Variants in TTC29 observed in about 807,000 individuals in gnomAD.
TTC29 encodes tetratricopeptide repeat domain 29, also known as tetratricopeptide repeat protein 29.
A neutral mutation model predicts 58.1 loss-of-function variants in TTC29; 49 were observed. The observed-to-expected ratio is 0.84, with a 90% CI of 0.67 to 1.07. The LOEUF (loss-of-function observed/expected upper bound fraction) is 1.07, where lower values mean the gene tolerates loss of function less well. TTC29 is among the 50% of genes least tolerant of loss of function. TTC29 has a pLI of 0.00. For synonymous variants in TTC29, 209 were observed against 196.8 expected (o/e 1.06, Z -0.52); for missense variants, 582 against 555.6 (o/e 1.05, Z -0.48).
rs890533686 is a variant in TTC29 at position 146,855,460 on chromosome 4, T to C, written c.885+12038A>G. Among the ~76,000 whole-genome samples, 20 of 152,088 alleles carry C rather than the reference T, an allele frequency of 1.3e-4. 1 individual carries two copies. The highest frequency in any genetic ancestry group is 1.1e-3 in the Admixed American group (17 of 15,250). Reference sequence around the variant, plus strand: ...AAACAAACAAATAAATAAGGGTCAATAGAGGACAGTCGTGGGAAAAAATGG... The same window carrying C: ...AAACAAACAAATAAATAAGGGTCAACAGAGGACAGTCGTGGGAAAAAATGG... On this transcript the variant is annotated intron_variant, in intron 8 of 12. Coordinates refer to ENST00000325106, the MANE Select transcript of TTC29 (RefSeq NM_031956.4).
chr4:146,723,514 T>C lies in TTC29; in HGVS notation c.1331-15963A>G, dbSNP rs79383172. On this transcript the variant is annotated intron_variant, in intron 11 of 12. Transcript: ENST00000325106. ...ACAAATATTTAATACCCAGAATCTA[T>C]AAGGAACTTAATTAAATGAGCAAAA... 3.5e-3 allele frequency among the ~76,000 whole-genome samples: 534 copies of C among 152,182 alleles called. 2 individuals are homozygous for C. Among genetic ancestry groups the C allele is most frequent in the Non-Finnish European group, 6.3e-3 (427 of 68,006 alleles).
chr4:146,822,053 G>C (rs1229080235), intron 9 of TTC29, among the ~76,000 whole-genome samples: 2 of 125,738 alleles, frequency 1.6e-5, no homozygotes, highest in East Asian at 4.8e-4. Flanking sequence ...TATTTCTAAA[G>C]ACCGAACCCA....
chr4:146,817,050 C>T (rs995861258), intron 10 of TTC29, among the ~76,000 whole-genome samples: 8 of 152,156 alleles, frequency 5.3e-5, no homozygotes, highest in Non-Finnish European at 1.0e-4. Flanking sequence ...CTCACCACTC[C>T]TATTCAACAT....
At chr4:146,867,069 A>G (rs914892820) in intron 8 of TTC29, among the ~76,000 whole-genome samples, 2 of 152,212 alleles carry the variant, frequency 1.3e-5, no homozygotes, top group African/African-American at 2.4e-5. Context: ...CACTGAAGAT[A>G]TACATCAATG....
chr4:146,820,893 A>T (rs965250166), intron 9 of TTC29, among the ~76,000 whole-genome samples: 25 of 152,058 alleles, frequency 1.6e-4, no homozygotes, highest in African/African-American at 6.0e-4. Flanking sequence ...TTAGCCAGGC[A>T]TGGTGGTGGG....
chr4:146,869,242 G>A (rs1001121653), intron 7 of TTC29, among the ~76,000 whole-genome samples: 2 of 152,094 alleles, frequency 1.3e-5, no homozygotes, highest in African/African-American at 4.8e-5. Flanking sequence ...ATGTCAGCAG[G>A]AACAATATTT....
chr4:146,937,515 G>C, intron 4 of TTC29, 79 bp downstream of exon 4: 1 of 957,012 alleles, frequency 1.0e-6, no homozygotes, highest in Non-Finnish European at 1.6e-6. Context: ...ATATTACACA[G>C]GAAAATTGAA....
intron 5 of TTC29, among the ~76,000 whole-genome samples, chr4:146,906,161 T>C (rs1304596929): frequency 6.7e-6 from 1 of 149,774 alleles, no homozygotes; most frequent in African/African-American, 2.4e-5. Flanking sequence ...ATGGATAATA[T>C]TTAAAAAAAA....
At chr4:146,846,376 C>G (rs1445372911) in intron 8 of TTC29, among the ~76,000 whole-genome samples, 1 of 152,162 alleles carries the variant, frequency 6.6e-6, no homozygotes, top group Non-Finnish European at 1.5e-5. Flanking sequence ...GGGTCAGAGA[C>G]TGAACCACGT....
At chr4:146,854,234 T>C (rs1363970617) in intron 8 of TTC29, among the ~76,000 whole-genome samples, 1 of 152,156 alleles carries the variant, frequency 6.6e-6, no homozygotes, top group Non-Finnish European at 1.5e-5. Flanking sequence ...AGTCAGCTTC[T>C]GGGAAAACCC....
At chr4:146,881,109 T>C (rs990667867) in intron 6 of TTC29, among the ~76,000 whole-genome samples, 1 of 152,138 alleles carries the variant, frequency 6.6e-6, no homozygotes, top group Non-Finnish European at 1.5e-5. Context: ...TTAGACAAGG[T>C]GTTAATTATG....
At chr4:146,805,043 G>A (rs1447497139) in intron 10 of TTC29, among the ~76,000 whole-genome samples, 1 of 151,940 alleles carries the variant, frequency 6.6e-6, no homozygotes, top group African/African-American at 2.4e-5. Context: ...GAAGGAACAG[G>A]CAGCAATCTT....
intron 8 of TTC29, among the ~76,000 whole-genome samples, chr4:146,859,776 T>A (rs1730109604): frequency 6.6e-6 from 1 of 152,130 alleles, no homozygotes; most frequent in Non-Finnish European, 1.5e-5. Context: ...CTGAATATCC[T>A]GTGATAGACA....
intron 9 of TTC29, among the ~76,000 whole-genome samples, chr4:146,821,731 A>G (rs1025840201): frequency 6.6e-6 from 1 of 152,200 alleles, no homozygotes; most frequent in African/African-American, 2.4e-5. Flanking sequence ...AGATGTTTGG[A>G]GTCTATGATT....
At chr4:146,941,114 A>G (rs748338925) in intron 2 of TTC29, among the ~76,000 whole-genome samples, 1 of 152,226 alleles carries the variant, frequency 6.6e-6, no homozygotes, top group Non-Finnish European at 1.5e-5. Flanking sequence ...AACTTAGAAT[A>G]GAAAAATTGT....
At chr4:146,803,728 T>C (rs1374718996) in intron 10 of TTC29, 43 bp from the exon 11 acceptor site, 2 of 1,437,236 alleles carry the variant, frequency 1.4e-6, no homozygotes, top group Admixed American at 2.2e-5. Flanking sequence ...ACTTTTAATG[T>C]CACCATTTCA....
chr4:146,903,808 C>T, intron 5 of TTC29, 79 bp from the exon 6 acceptor site: 1 of 1,049,020 alleles, frequency 9.5e-7, no homozygotes. Flanking sequence ...AAACCAATAT[C>T]ATGACTTCCT....
At chr4:146,732,073 A>G (rs75109240) in intron 11 of TTC29, among the ~76,000 whole-genome samples, 4,852 of 152,196 alleles carry the variant, frequency 0.032, 263 homozygotes, top group African/African-American at 0.11. Context: ...TTTTGTTTGT[A>G]TTTTTGATAT....
intron 11 of TTC29, among the ~76,000 whole-genome samples, chr4:146,709,382 T>C (rs902105883): frequency 1.3e-5 from 2 of 152,142 alleles, no homozygotes; most frequent in Admixed American, 1.3e-4. Context: ...GAACCTCCAA[T>C]TCTACCACCT....
Sources: gnomAD v4.1 joint callset for allele counts (sites outside exome capture counted in the v4.1 genomes callset) on GRCh38, gnomAD v4.1.1 for gene constraint, MANE v1.5 for transcripts, NCBI Gene and HGNC (gene_info 2026-07-23, HGNC 2026-07-21) for gene names.